MAGI2: variants seen among roughly 807,000 people sequenced by gnomAD.
MAGI2 encodes membrane associated guanylate kinase, WW and PDZ domain containing 2.
A neutral mutation model predicts 133.3 loss-of-function variants in MAGI2; 35 were observed. The observed-to-expected ratio is 0.26, with a 90% confidence interval of 0.20 to 0.35. The LOEUF is 0.35. Ranked by LOEUF, MAGI2 falls within the 10% of genes least tolerant of loss-of-function variation. The pLI, the probability that MAGI2 is intolerant of heterozygous loss-of-function variation, is 1.00. For missense variants in MAGI2, 1,636 were observed against 1,863.4 expected, an observed-to-expected ratio of 0.88 and a Z score of 2.25; for synonymous variants, 729 against 710.6, an observed-to-expected ratio of 1.03 and a Z score of -0.41.
intron 9 of MAGI2, among the ~76,000 whole-genome samples, chr7:78,284,214 C>A (rs1478004100): frequency 6.6e-6 from 1 of 152,060 alleles, no homozygotes; most frequent in Non-Finnish European, 1.5e-5. Flanking sequence ...CTTAAACCTT[C>A]CCCTAGGCAA....
intron 21 of MAGI2, among the ~76,000 whole-genome samples, chr7:78,037,413 G>C (rs982740759): frequency 6.6e-6 from 1 of 152,152 alleles, no homozygotes; most frequent in Admixed American, 6.5e-5. Context: ...AGACTATTTG[G>C]AACCATCTGA....
intron 1 of MAGI2, among the ~76,000 whole-genome samples, chr7:79,190,624 A>G (rs991011635): frequency 2.6e-5 from 4 of 151,846 alleles, no homozygotes; most frequent in Admixed American, 1.3e-4. Context: ...ACTTTCTCAT[A>G]CATATTGCAA....
intron 1 of MAGI2, among the ~76,000 whole-genome samples, chr7:79,089,549 C>T (rs768983621): frequency 2.0e-4 from 30 of 151,924 alleles, no homozygotes; most frequent in Non-Finnish European, 3.5e-4. Context: ...GACTTTGAAC[C>T]GACCCAAATG....
intron 2 of MAGI2, among the ~76,000 whole-genome samples, chr7:78,897,602 T>A (rs1408863873): frequency 1.3e-5 from 2 of 152,258 alleles, no homozygotes; most frequent in Non-Finnish European, 2.9e-5. Flanking sequence ...TAGGATTGCC[T>A]TGGCTATCTG....
At chr7:78,030,350 T>G (rs2003502) in intron 21 of MAGI2, among the ~76,000 whole-genome samples, 100,725 of 152,164 alleles carry the variant, frequency 0.66, 36,355 homozygotes, top group Non-Finnish European at 0.83. Context: ...TGTAACCTCC[T>G]GGTTCAAGCG....
chr7:78,543,224 A>C (rs1431449088), intron 3 of MAGI2, among the ~76,000 whole-genome samples: 1 of 152,242 alleles, frequency 6.6e-6, no homozygotes, highest in Non-Finnish European at 1.5e-5. Flanking sequence ...TGTAGAGAGA[A>C]AAAGGAACTT....
At chr7:79,360,388 C>T (rs2129121898) in intron 1 of MAGI2, among the ~76,000 whole-genome samples, 1 of 151,544 alleles carries the variant, frequency 6.6e-6, no homozygotes, top group Non-Finnish European at 1.5e-5. Flanking sequence ...GTAGTTTCTT[C>T]AAATAGAAAG....
At chr7:78,575,442 G>A (rs1400839500) in intron 3 of MAGI2, among the ~76,000 whole-genome samples, 1 of 152,084 alleles carries the variant, frequency 6.6e-6, no homozygotes, top group Non-Finnish European at 1.5e-5. Flanking sequence ...AGATATCAAG[G>A]AGGAGAAGCA....
At chr7:79,038,291 G>T (rs569294224) in intron 1 of MAGI2, among the ~76,000 whole-genome samples, 101 of 152,248 alleles carry the variant, frequency 6.6e-4, no homozygotes, top group African/African-American at 2.3e-3. Flanking sequence ...TGGTTCACCA[G>T]TTTCCTCCAA....
At chr7:78,545,125 C>T (rs973738754) in intron 3 of MAGI2, among the ~76,000 whole-genome samples, 2 of 150,298 alleles carry the variant, frequency 1.3e-5, no homozygotes, top group African/African-American at 4.9e-5. Flanking sequence ...TAGGTTTTAT[C>T]AATAGAACAA....
chr7:78,991,241 C>A (rs1477126861), intron 2 of MAGI2, among the ~76,000 whole-genome samples: 3 of 151,182 alleles, frequency 2.0e-5, no homozygotes, highest in African/African-American at 7.3e-5. Context: ...TGTGAGTCAA[C>A]TAAACCTTTC....
At chr7:78,061,809 T>C (rs1398417354) in intron 21 of MAGI2, among the ~76,000 whole-genome samples, 1 of 151,978 alleles carries the variant, frequency 6.6e-6, no homozygotes, top group East Asian at 1.9e-4. Context: ...TAAGAGAAAA[T>C]CCAGCGAATA....
chr7:78,122,640 C>A (rs150242738), intron 20 of MAGI2, among the ~76,000 whole-genome samples: 2 of 152,026 alleles, frequency 1.3e-5, no homozygotes, highest in Non-Finnish European at 2.9e-5. Flanking sequence ...TATGGAAATG[C>A]GAACTATATT....
chr7:78,754,690 T>A (rs964371160), intron 2 of MAGI2, among the ~76,000 whole-genome samples: 1 of 152,182 alleles, frequency 6.6e-6, no homozygotes, highest in African/African-American at 2.4e-5. Flanking sequence ...ATAAAAAGCA[T>A]CTCTTTTGTG....
rs367634655 is a variant in MAGI2, at chr7:79,011,489, C to T, written c.302-4283G>A. Among the ~76,000 whole-genome samples, 185 of 152,246 alleles carry T rather than the reference C, an allele frequency of 1.2e-3. 8 individuals are homozygous for T. In the South Asian group the frequency reaches 0.038, roughly 31 times the overall value. ...GTAGTCCCATCTAGTAAAGTAGTGTCATCTCTCACTCAGACATGACCATCA... is the reference window on the plus strand; with the variant it reads ...GTAGTCCCATCTAGTAAAGTAGTGTTATCTCTCACTCAGACATGACCATCA... On this transcript the variant is annotated intron_variant, in intron 1 of 21. Transcript: ENST00000354212.
chr7:78,841,944 C>T (rs764445431), intron 2 of MAGI2, among the ~76,000 whole-genome samples: 1 of 151,878 alleles, frequency 6.6e-6, no homozygotes, highest in Non-Finnish European at 1.5e-5. Flanking sequence ...TGGACATTGC[C>T]CCCATTACAG....
chr7:79,040,925 G>T (rs1168457208), intron 1 of MAGI2, among the ~76,000 whole-genome samples: 1 of 152,132 alleles, frequency 6.6e-6, no homozygotes, highest in Non-Finnish European at 1.5e-5. Flanking sequence ...TACAGTGTTT[G>T]ATAGCACAAT....
intron 1 of MAGI2, among the ~76,000 whole-genome samples, chr7:79,116,234 CCTTAGTTAAAAGTGGCTAAGG>C (rs879846035): frequency 2.6e-5 from 4 of 152,048 alleles, no homozygotes; most frequent in Non-Finnish European, 4.4e-5. Context: ...TACAAGATTC[CCTTAGTTAAAAGTGGCTAAGG>C]CTCCCATAAC....
intron 9 of MAGI2, among the ~76,000 whole-genome samples, chr7:78,317,949 C>T (rs551255889): frequency 1.5e-3 from 228 of 152,278 alleles, no homozygotes; most frequent in Admixed American, 2.8e-3. Flanking sequence ...CGTCCAGACA[C>T]AGAAACCCCG....
Sources: allele counts gnomAD v4.1 joint callset (sites outside exome capture counted in the v4.1 genomes callset), GRCh38; gene constraint gnomAD v4.1.1; transcripts MANE v1.5; gene names NCBI Gene and HGNC (gene_info 2026-07-23, HGNC 2026-07-21).